Variants in TP63 observed in about 807,000 individuals in gnomAD.
TP63 encodes tumor protein 63.
A neutral mutation model predicts 82.8 loss-of-function variants in TP63; 17 were observed. The observed-to-expected ratio is 0.21, with a 90% confidence interval of 0.14 to 0.31. The LOEUF is 0.31. TP63 is among the 10% of genes least tolerant of loss of function. TP63 has a pLI of 1.00. For synonymous variants in TP63, 330 were observed against 321.7 expected, an observed-to-expected ratio of 1.03 and a Z score of -0.28; for missense variants, 648 against 895.3, an observed-to-expected ratio of 0.72 and a Z score of 3.52.
chr3:189,604,918 C>A, the TP63 span, among the ~76,000 whole-genome samples: 1 of 152,164 alleles, frequency 6.6e-6, no homozygotes. Context: ...TCCTAAGCCA[C>A]CCAGGAAAGA....
intron 1 of TP63, among the ~76,000 whole-genome samples, chr3:189,718,765 G>A (rs550896037): frequency 1.3e-5 from 2 of 151,742 alleles, no homozygotes; most frequent in African/African-American, 2.4e-5. Flanking sequence ...GTTTTCCTTG[G>A]GGGTAGAGAA....
intron 3 of TP63, among the ~76,000 whole-genome samples, chr3:189,761,305 A>G (rs1346387097): frequency 3.3e-5 from 5 of 151,488 alleles, no homozygotes; most frequent in African/African-American, 9.7e-5. Context: ...AACTGAATGC[A>G]TTTAATAGCA....
At chr3:189,886,582 A>G (rs1181555800) in intron 11 of TP63, 31 bp downstream of exon 11, 1 of 1,612,764 alleles carries the variant, frequency 6.2e-7, no homozygotes, top group African/African-American at 1.3e-5. Context: ...CTGTGGCTGA[A>G]GGATGAACAG....
In TP63 at chr3:189,884,654, A is replaced by T. The variant is rs574467340; in HGVS notation, c.1350-1740A>T. ...ATAGTTGGGAGGATTTATTGTATCA[A>T]CACCAGTATATATATACAATGTGGA... On this transcript the variant is annotated intron_variant, in intron 10 of 13. Coordinates refer to ENST00000264731, the MANE Select transcript of TP63 (RefSeq NM_003722.5). 5.9e-4 allele frequency among the ~76,000 whole-genome samples: 90 copies of T among 152,342 alleles called. No individual in the cohort carries two copies. In the Middle Eastern group the frequency reaches 0.017, roughly 29 times the overall value.
chr3:189,816,758 G>A (rs997514652), intron 4 of TP63, among the ~76,000 whole-genome samples: 3 of 152,082 alleles, frequency 2.0e-5, no homozygotes, highest in African/African-American at 7.2e-5. Context: ...TTAGAATGAT[G>A]GATCCTGTAA....
upstream of TP63, among the ~76,000 whole-genome samples, chr3:189,627,366 C>G (rs967675893): frequency 2.0e-5 from 3 of 152,144 alleles, no homozygotes; most frequent in Non-Finnish European, 4.4e-5. Flanking sequence ...GAGTGAATTA[C>G]TGATACAGTT....
At chr3:189,737,966 A>C (rs926278771) in intron 2 of TP63, 98 bp downstream of exon 2, 2 of 1,461,552 alleles carry the variant, frequency 1.4e-6, no homozygotes, top group South Asian at 1.2e-5. Flanking sequence ...TTCTAGAATC[A>C]GTAGAAGTTA....
At chr3:189,734,953 T>C (rs529342182) in intron 1 of TP63, among the ~76,000 whole-genome samples, 4 of 97,322 alleles carry the variant, frequency 4.1e-5, no homozygotes, top group South Asian at 5.6e-4. Flanking sequence ...AATCCAATTG[T>C]ATCCAAAAAA....
intron 3 of TP63, among the ~76,000 whole-genome samples, chr3:189,763,588 T>A (rs1366614927): frequency 2.6e-5 from 4 of 152,218 alleles, no homozygotes; most frequent in Non-Finnish European, 5.9e-5. Flanking sequence ...GCAGAAATTC[T>A]GATCACCATT....
rs767621387 is a variant in TP63 at position 189,644,143 on chromosome 3, A to G, written c.62+12566A>G. Among the ~76,000 whole-genome samples, 7 of 152,068 alleles carry G rather than the reference A, an allele frequency of 4.6e-5. 1 individual carries two copies. Among genetic ancestry groups the G allele is most frequent in the Non-Finnish European group, 8.8e-5 (6 of 68,016 alleles). ...TCCACACAAATGCCCTGGGTTGTTC[A>G]TCATTACCTGAAATTATCAGGCCCA... On this transcript the variant is annotated intron_variant, in intron 1 of 13. Coordinates refer to ENST00000264731, the MANE Select transcript of TP63 (RefSeq NM_003722.5).
chr3:189,683,575 A>G (rs1716161048), intron 1 of TP63, among the ~76,000 whole-genome samples: 1 of 152,244 alleles, frequency 6.6e-6, no homozygotes, highest in East Asian at 1.9e-4. Flanking sequence ...TAAAACATGA[A>G]GAGCTATATT....
intron 10 of TP63, among the ~76,000 whole-genome samples, chr3:189,875,593 C>CATATATATATATATAT (rs774764336): frequency 2.2e-4 from 9 of 40,770 alleles, no homozygotes; most frequent in Non-Finnish European, 4.0e-4. Flanking sequence ...AAAATACATA[C>CATATATATATATATAT]ATATATATAT....
intron 1 of TP63, among the ~76,000 whole-genome samples, chr3:189,687,494 T>G (rs1442587887): frequency 6.6e-6 from 1 of 152,188 alleles, no homozygotes; most frequent in Non-Finnish European, 1.5e-5. Flanking sequence ...AAGTCTTACC[T>G]CCTTTGTAAA....
intron 4 of TP63, among the ~76,000 whole-genome samples, chr3:189,810,854 G>T (rs1466229973): frequency 1.2e-5 from 1 of 86,188 alleles, no homozygotes; most frequent in Non-Finnish European, 2.5e-5. Flanking sequence ...ACAAGAGTCC[G>T]TCTCCAAAAA....
intron 1 of TP63, among the ~76,000 whole-genome samples, chr3:189,735,292 T>C (rs2108791639): frequency 6.6e-6 from 1 of 152,336 alleles, no homozygotes; most frequent in East Asian, 1.9e-4. Flanking sequence ...GATTCATTTT[T>C]CCCCTATGAG....
chr3:189,819,925 AT>A, intron 4 of TP63, among the ~76,000 whole-genome samples: 1 of 151,492 alleles, frequency 6.6e-6, no homozygotes, highest in East Asian at 1.9e-4. Context: ...TAATTTTTGT[AT>A]TTTTAGTAGA....
chr3:189,599,328 G>C, the TP63 span, among the ~76,000 whole-genome samples: 1 of 152,222 alleles, frequency 6.6e-6, no homozygotes, highest in Middle Eastern at 3.4e-3. Context: ...GCCTGGAAGG[G>C]TCATCAATAG....
chr3:189,618,053 C>G, the TP63 span, among the ~76,000 whole-genome samples: 1 of 152,134 alleles, frequency 6.6e-6, no homozygotes, highest in Non-Finnish European at 1.5e-5. Flanking sequence ...TGTGCAGCAT[C>G]CAGTACAAAT....
intron 4 of TP63, among the ~76,000 whole-genome samples, chr3:189,822,662 T>C (rs566655374): frequency 6.6e-6 from 1 of 152,274 alleles, no homozygotes; most frequent in East Asian, 1.9e-4. Flanking sequence ...AAGCACAATT[T>C]TGAGATAAGT....
Sources: gnomAD v4.1 joint callset for allele counts (sites outside exome capture counted in the v4.1 genomes callset) on GRCh38, gnomAD v4.1.1 for gene constraint, MANE v1.5 for transcripts, NCBI Gene and HGNC (gene_info 2026-07-23, HGNC 2026-07-21) for gene names.